The following PYGL variants were observed in gnomAD, a reference collection of about 807,000 sequenced individuals.
The protein encoded by PYGL is glycogen phosphorylase, liver form.
Under a neutral mutation model 100.1 loss-of-function variants are expected in PYGL, and 90 were observed. The observed-to-expected ratio is 0.90, with a 90% CI of 0.76 to 1.07. The LOEUF (loss-of-function observed/expected upper bound fraction) is 1.07, where lower values mean the gene tolerates loss of function less well. PYGL is among the 50% of genes least tolerant of loss of function. The probability of loss-of-function intolerance (pLI) is 0.00; values close to 1 mark genes in which losing one functional copy is unlikely to be tolerated. For missense variants in PYGL, 1,016 were observed against 1,057.6 expected (o/e 0.96, Z 0.55); for synonymous variants, 373 against 393.0 (o/e 0.95, Z 0.60).
intron 2 of PYGL, among the ~76,000 whole-genome samples, chr14:50,935,698 G>C (rs554159724): frequency 2.0e-5 from 3 of 152,276 alleles, no homozygotes; most frequent in South Asian, 4.1e-4. Context: ...GAGGGATTTT[G>C]AAAATGACCG....
At chr14:50,926,192 A>T (rs1224385309) in intron 4 of PYGL, among the ~76,000 whole-genome samples, 1 of 152,060 alleles carries the variant, frequency 6.6e-6, no homozygotes, top group Non-Finnish European at 1.5e-5. Flanking sequence ...CTCTAAAAAA[A>T]ATTTAAAAAT....
intron 19 of PYGL, 197 bp downstream of exon 19, chr14:50,908,074 C>A: frequency 2.2e-6 from 1 of 463,110 alleles, no homozygotes; most frequent in Non-Finnish European, 3.8e-6. Context: ...AAATCTCAAC[C>A]TTGGCCTGAA....
intron 1 of PYGL, among the ~76,000 whole-genome samples, chr14:50,943,322 C>A (rs1184711973): frequency 2.0e-5 from 3 of 152,194 alleles, no homozygotes; most frequent in Admixed American, 2.0e-4. Context: ...TCGCCCTCTT[C>A]GCAAACTGTC....
chr14:50,917,904 C>T (rs926110773), intron 7 of PYGL, among the ~76,000 whole-genome samples: 6 of 152,000 alleles, frequency 3.9e-5, no homozygotes, highest in Admixed American at 1.3e-4. Flanking sequence ...TTTACCTGGT[C>T]GTAGAATTAA....
rs369690285 is a variant in PYGL at position 50,935,098 on chromosome 14, G to A, written c.424+9C>T. ...CCAGACAATATAATACACTCACAAT[G>A]TCACTTACCAGCAAGTCTCCCAAGA... On this transcript the variant is annotated intron_variant, in intron 3 of 19. Coordinates refer to ENST00000216392, the MANE Select transcript of PYGL (RefSeq NM_002863.5). The A allele has an allele frequency of 4.4e-6, 7 of 1,599,060 alleles. No homozygotes were observed. The highest frequency in any genetic ancestry group is 6.0e-6 in the Non-Finnish European group (7 of 1,166,404).
At chr14:50,919,360 G>A (rs2050480376) in intron 7 of PYGL, among the ~76,000 whole-genome samples, 1 of 152,154 alleles carries the variant, frequency 6.6e-6, no homozygotes, top group Non-Finnish European at 1.5e-5. Flanking sequence ...AGGAATAATA[G>A]CATATACCAT....
chr14:50,938,845 C>T (rs1482454178), intron 1 of PYGL, among the ~76,000 whole-genome samples: 2 of 152,060 alleles, frequency 1.3e-5, no homozygotes, highest in Non-Finnish European at 2.9e-5. Flanking sequence ...GTCAGACGGC[C>T]ATAGCTCACC....
Position 50,944,463 on chromosome 14 carries a change from G to T in PYGL, c.-60C>A. The stretch of plus-strand genomic sequence containing the variant: ...GAGAGCTGGAAGTGCGGCCGGAGGC[G>T]CTGGGCTGCCGGGCAGGGGTGGAGT... On this transcript the variant is annotated 5_prime_UTR_variant, in exon 1 of 20. Coordinates refer to ENST00000216392, the MANE Select transcript of PYGL (RefSeq NM_002863.5). The T allele has an allele frequency of 6.5e-7, 1 of 1,531,992 alleles. No homozygotes were observed. The highest frequency in any genetic ancestry group is 8.8e-7 in the Non-Finnish European group (1 of 1,142,412). 94.9% of individuals were successfully genotyped at this position (1,531,992 alleles called of 1,614,324 possible). A position where few individuals can be genotyped will look rare whatever the true frequency, so the allele number is the denominator to read the frequency against.
At chr14:50,915,199 G>A in intron 11 of PYGL, 137 bp downstream of exon 11, 5 of 1,051,680 alleles carry the variant, frequency 4.8e-6, no homozygotes, top group Non-Finnish European at 7.0e-6. Context: ...TTAGGCAAGA[G>A]TTTTTTGTAT....
At chr14:50,930,480 A>C (rs2050592555) in intron 4 of PYGL, among the ~76,000 whole-genome samples, 1 of 152,218 alleles carries the variant, frequency 6.6e-6, no homozygotes, top group Non-Finnish European at 1.5e-5. Context: ...GGGTAGCTAA[A>C]GATAAACAGC....
chr14:50,943,172 C>T (rs780612668), intron 1 of PYGL, among the ~76,000 whole-genome samples: 6 of 152,026 alleles, frequency 3.9e-5, no homozygotes, highest in Non-Finnish European at 7.4e-5. Context: ...GGATGTATCC[C>T]AATCTTTTAT....
At chr14:50,931,572 T>C in intron 4 of PYGL, 101 bp downstream of exon 4, 1 of 1,090,428 alleles carries the variant, frequency 9.2e-7, no homozygotes, top group Non-Finnish European at 1.4e-6. Flanking sequence ...CCAGAGAAAT[T>C]AGTACAGCTC....
intron 1 of PYGL, among the ~76,000 whole-genome samples, chr14:50,939,993 A>G (rs2050689790): frequency 2.0e-5 from 3 of 152,186 alleles, no homozygotes; most frequent in Admixed American, 6.5e-5. Context: ...GCCACCTAAC[A>G]CTGCTTTCCA....
intron 2 of PYGL, among the ~76,000 whole-genome samples, chr14:50,935,401 C>G (rs1171813254): frequency 2.0e-5 from 3 of 152,164 alleles, no homozygotes. Context: ...AGTGTAAGCT[C>G]TAAAAGTCCA....
chr14:50,916,578 T>G (rs926299785), intron 9 of PYGL, 64 bp downstream of exon 9: 59 of 1,412,752 alleles, frequency 4.2e-5, no homozygotes, highest in Non-Finnish European at 5.8e-5. Context: ...AGGGAGTTTT[T>G]GGCAGTCTTT....
chr14:50,912,366 T>G (rs1224763871), intron 13 of PYGL, 63 bp from the exon 14 acceptor site: 1 of 1,581,090 alleles, frequency 6.3e-7, no homozygotes, highest in Non-Finnish European at 8.6e-7. Context: ...GGTCTGGTTT[T>G]TCTTTTTTTT....
At chr14:50,936,955 A>T (rs1033287096) in intron 2 of PYGL, among the ~76,000 whole-genome samples, 2 of 152,142 alleles carry the variant, frequency 1.3e-5, no homozygotes, top group Non-Finnish European at 2.9e-5. Context: ...TTTCACAGGA[A>T]ATACTCCACC....
Position 50,912,393 on chromosome 14 carries a change from CTT to C in PYGL, c.1621-92_1621-91del, listed in dbSNP as rs1191121551. On this transcript the variant is annotated intron_variant, in intron 13 of 19. Coordinates refer to ENST00000216392, the MANE Select transcript of PYGL (RefSeq NM_002863.5). ...CTTTTTTTTGAGACGGAGTCTCACT[CTT>C]TTGCCCAGGCTGGAGTGCAGTGGCA... is the stretch of plus-strand genomic sequence containing the variant. The C allele has an allele frequency of 2.0e-6, 3 of 1,496,834 alleles. No individual in the cohort carries two copies. The East Asian group carries it at 6.8e-5, about 34-fold the overall frequency. The allele number at this position is 1,496,834 out of a possible 1,614,324, so 92.7% of individuals were successfully genotyped here.
Position 50,913,074 on chromosome 14 carries a change from G to C in PYGL, c.1575C>G (p.Phe525Leu), listed in dbSNP as rs2050414533. 1.2e-6 allele frequency: 2 copies of C among 1,614,022 alleles called. No homozygotes were observed. The highest frequency in any genetic ancestry group is 1.7e-5 in the Admixed American group (1 of 60,024). The stretch of plus-strand genomic sequence containing the variant: ...CCCGGAGGAAGACATCATCACCCAG[G>C]AAGCTGTGGAGCTTCGTCAGCTGGC... ...DLSQLTKLHS[F>L]LGDDVFLREL... The change falls in exon 13 of 20, where the codon TTC (phenylalanine) becomes TTG (leucine). Residue 525 changes from phenylalanine to leucine, a missense_variant. Transcript: ENST00000216392.
Sources: gnomAD v4.1 joint callset for allele counts (sites outside exome capture counted in the v4.1 genomes callset) on GRCh38, gnomAD v4.1.1 for gene constraint, MANE v1.5 for transcripts, NCBI Gene and HGNC (gene_info 2026-07-23, HGNC 2026-07-21) for gene names.